The following QSOX2 variants were observed in gnomAD, a reference collection of about 807,000 sequenced individuals.
QSOX2 encodes sulfhydryl oxidase 2.
Under a neutral mutation model 61.7 loss-of-function variants are expected in QSOX2, and 46 were observed. The observed-to-expected ratio is 0.75, with a 90% CI of 0.59 to 0.95. The LOEUF (loss-of-function observed/expected upper bound fraction) is 0.95, where lower values mean the gene tolerates loss of function less well. Ranked by LOEUF, QSOX2 falls within the 40% of genes least tolerant of loss-of-function variation. QSOX2 has a pLI of 0.00. For synonymous variants in QSOX2, 383 were observed against 388.4 expected, an observed-to-expected ratio of 0.99 and a Z score of 0.16; for missense variants, 879 against 918.9, an observed-to-expected ratio of 0.96 and a Z score of 0.56.
intron 1 of QSOX2, among the ~76,000 whole-genome samples, chr9:136,241,802 G>A (rs1222139610): frequency 6.6e-6 from 1 of 152,242 alleles, no homozygotes; most frequent in Non-Finnish European, 1.5e-5. Context: ...AGGTCTAGGA[G>A]GACTCAGCCT....
chr9:136,224,246 A>G lies in QSOX2; in HGVS notation c.479-134T>C, dbSNP rs574088869. 5 of 662,036 alleles carry G rather than the reference A, an allele frequency of 7.6e-6. No homozygotes were observed. The South Asian group carries it at 8.9e-5, about 12-fold the overall frequency. 41.0% of individuals were successfully genotyped at this position (662,036 alleles called of 1,614,324 possible). A position where few individuals can be genotyped will look rare whatever the true frequency, so the allele number is the denominator to read the frequency against. ...GGTGCAGGTGGCAGCAACATGTGCAATCCCAATGGGTGTGCCCAATGCCAC... is the reference window on the plus strand; with the variant it reads ...GGTGCAGGTGGCAGCAACATGTGCAGTCCCAATGGGTGTGCCCAATGCCAC... On this transcript the variant is annotated intron_variant, in intron 3 of 11. Coordinates refer to ENST00000358701, the MANE Select transcript of QSOX2 (RefSeq NM_181701.4).
chr9:136,231,629 C>A lies in QSOX2; in HGVS notation c.329-4755G>T, dbSNP rs375781494. 9.4e-4 allele frequency among the ~76,000 whole-genome samples: 143 copies of A among 152,374 alleles called. 2 individuals are homozygous for A. The East Asian group carries it at 0.014, about 15-fold the overall frequency. On this transcript the variant is annotated intron_variant, in intron 1 of 11. Transcript: ENST00000358701. ...GCTCAGGGGCTTGTGCGAAATGACG[C>A]GGCAGAAGGGCAGTGCCCCTCACAG...
chr9:136,211,501 C>T, intron 10 of QSOX2, 49 bp from the exon 11 acceptor site: 1 of 1,582,658 alleles, frequency 6.3e-7, no homozygotes, highest in Non-Finnish European at 8.7e-7. Flanking sequence ...TGGGCATCAC[C>T]TGACCCCACG....
rs1407915721 is a variant in QSOX2 at position 136,209,171 on chromosome 9, C to T, written c.1654G>A (p.Gly552Ser). The change falls in exon 12 of 12, where the codon GGC becomes AGC. Residue 552 changes from glycine (G) to serine (S), a missense_variant. Physicochemically the swap from Gly to Ser is moderately conservative, Grantham distance 56. Transcript: ENST00000358701. The surrounding 1 kb of genome is among the most constrained non-coding windows in gnomAD (Gnocchi z 5.6). ...TGCTTCAAGAATGTGAGCACGTGGC[C>T]TTCATCCCAGCTGGCCAGGCCCTTA... ...EIKGLASWDEGHVLTFLKQHY... is the reference protein window; with the variant it reads ...EIKGLASWDESHVLTFLKQHY... 3.1e-6 allele frequency: 5 copies of T among 1,614,194 alleles called. No individual in the cohort carries two copies. The highest frequency in any genetic ancestry group is 4.2e-6 in the Non-Finnish European group (5 of 1,180,032).
intron 1 of QSOX2, among the ~76,000 whole-genome samples, chr9:136,233,739 G>A (rs1005720488): frequency 3.3e-5 from 5 of 152,166 alleles, no homozygotes; most frequent in African/African-American, 9.7e-5. Context: ...AGAAGACGAC[G>A]CTGTGGAGCC....
rs534955428 is a variant in QSOX2, at chr9:136,215,341, A to G, written c.1210-37T>C. The G allele has an allele frequency of 2.5e-5, 36 of 1,467,714 alleles. No homozygotes were observed. In the Admixed American group the frequency reaches 3.0e-4, roughly 12 times the overall value. 90.9% of individuals were successfully genotyped at this position (1,467,714 alleles called of 1,614,324 possible). A position where few individuals can be genotyped will look rare whatever the true frequency, so the allele number is the denominator to read the frequency against. On this transcript the variant is annotated intron_variant, in intron 9 of 11. Coordinates refer to ENST00000358701, the MANE Select transcript of QSOX2 (RefSeq NM_181701.4). ...ACAAACAAAAAAACCCCAAAGAATA[A>G]AAGATAATTGTTGAAATTAAAAACA...
chr9:136,224,581 G>T (rs543374102), intron 3 of QSOX2, among the ~76,000 whole-genome samples: 3 of 152,050 alleles, frequency 2.0e-5, no homozygotes, highest in Non-Finnish European at 4.4e-5. Context: ...TCATCGGGTG[G>T]GTACATGTGA....
chr9:136,225,383 G>A (rs895629804), intron 2 of QSOX2, among the ~76,000 whole-genome samples: 4 of 152,198 alleles, frequency 2.6e-5, no homozygotes, highest in Non-Finnish European at 4.4e-5. Flanking sequence ...AGACAGCGAC[G>A]AGACAAGGTT....
chr9:136,209,635 G>A lies in QSOX2; in HGVS notation c.1550-360C>T, dbSNP rs957298227. The A allele has an allele frequency of 1.1e-4, 111 of 984,960 alleles. No individual in the cohort carries two copies. The highest frequency in any genetic ancestry group is 1.7e-4 in the African/African-American group (10 of 57,326). The allele number at this position is 984,960 out of a possible 1,614,324, so 61.0% of individuals were successfully genotyped here. ...AGCTCTCACCTGGAGGCCTTTCTCC[G>A]CACAGTGCTGCCTGTGTGCCCCTCC... On this transcript the variant is annotated intron_variant, in intron 11 of 11. Transcript: ENST00000358701. This position sits in a 1 kb window ranked among gnomAD's most constrained non-coding sequence, Gnocchi z 5.6.
At chr9:136,237,950 A>G (rs186103028) in intron 1 of QSOX2, among the ~76,000 whole-genome samples, 4 of 152,346 alleles carry the variant, frequency 2.6e-5, no homozygotes, top group Non-Finnish European at 4.4e-5. Flanking sequence ...GCCCCCAGGG[A>G]CAGTGCACAA....
intron 1 of QSOX2, among the ~76,000 whole-genome samples, chr9:136,236,202 C>A (rs919677544): frequency 1.3e-5 from 2 of 152,232 alleles, no homozygotes; most frequent in Non-Finnish European, 2.9e-5. Flanking sequence ...CCCTGCTCCG[C>A]ACAGAGAGCC....
chr9:136,243,570 T>A (rs997475988), intron 1 of QSOX2, among the ~76,000 whole-genome samples: 2 of 152,270 alleles, frequency 1.3e-5, no homozygotes, highest in African/African-American at 2.4e-5. Flanking sequence ...CTATAACTTC[T>A]GTCTCCCTAA....
At chr9:136,243,946 C>T (rs1830451387) in intron 1 of QSOX2, among the ~76,000 whole-genome samples, 2 of 152,150 alleles carry the variant, frequency 1.3e-5, no homozygotes, top group Admixed American at 6.5e-5. Context: ...TCAGGAGGGG[C>T]CTTCCTTCTG....
chr9:136,225,791 A>G (rs1439364054), intron 2 of QSOX2, among the ~76,000 whole-genome samples: 1 of 152,258 alleles, frequency 6.6e-6, no homozygotes, highest in African/African-American at 2.4e-5. Flanking sequence ...AATCCCATCC[A>G]ATGAGCATCG....
rs1186354665 is a variant in QSOX2, at chr9:136,209,437, C to T, written c.1550-162G>A. On this transcript the variant is annotated intron_variant, in intron 11 of 11. Coordinates refer to ENST00000358701, the MANE Select transcript of QSOX2 (RefSeq NM_181701.4). The surrounding 1 kb of genome is among the most constrained non-coding windows in gnomAD (Gnocchi z 5.6). Reference sequence around the variant, plus strand: ...TCCCTGCCCTTCCCACCACCCGTCCCTTGCAGTTCGGCCCAGATAACATCC... The same window carrying T: ...TCCCTGCCCTTCCCACCACCCGTCCTTTGCAGTTCGGCCCAGATAACATCC... 2 of 985,336 alleles carry T rather than the reference C, an allele frequency of 2.0e-6. No homozygotes were observed. The highest frequency in any genetic ancestry group is 1.2e-6 in the Non-Finnish European group (1 of 829,946). The allele number at this position is 985,336 out of a possible 1,614,324, so 61.0% of individuals were successfully genotyped here.
At chr9:136,220,078 C>T (rs564890075) in intron 6 of QSOX2, among the ~76,000 whole-genome samples, 6 of 152,352 alleles carry the variant, frequency 3.9e-5, no homozygotes, top group Admixed American at 1.3e-4. Context: ...GTTGCCCAGG[C>T]TGGAGTGCAG....
In QSOX2 at chr9:136,224,900, C is replaced by A. The variant is rs766432618; in HGVS notation, c.439G>T (p.Ala147Ser). ...CCAGTTGTAAACTCCTTTGTAAATG[C>A]TTTAAAATACTAAGAGGAAAAACAC... is the stretch of plus-strand genomic sequence containing the variant. The part of the protein sequence containing the change: ...HFYPTFRYFK[A>S]FTKEFTTGEN... Residue 147 changes from alanine to serine, a missense_variant, in exon 3 of 12, where the codon GCA becomes TCA. Physicochemically the swap from Ala to Ser is moderately conservative, Grantham distance 99. Coordinates refer to ENST00000358701, the MANE Select transcript of QSOX2 (RefSeq NM_181701.4). 1 of 1,604,490 alleles carries A rather than the reference C, an allele frequency of 6.2e-7. No individual in the cohort carries two copies. The highest frequency in any genetic ancestry group is 1.3e-5 in the African/African-American group (1 of 74,506).
In QSOX2 at chr9:136,224,879, T is replaced by C; in HGVS notation, c.460A>G (p.Thr154Ala). The C allele has an allele frequency of 6.2e-7, 1 of 1,604,238 alleles. No homozygotes were observed. Among genetic ancestry groups the C allele is most frequent in the Non-Finnish European group, 8.5e-7 (1 of 1,173,978 alleles). ...TCCTTACCTTTAAAATTTTCTCCAG[T>C]TGTAAACTCCTTTGTAAATGCTTTA... ...YFKAFTKEFT[T>A]GENFKGPDRE... Residue 154 changes from threonine (T) to alanine (A), a missense_variant, in exon 3 of 12, where the codon ACT (threonine) becomes GCT (alanine). Coordinates refer to ENST00000358701, the MANE Select transcript of QSOX2 (RefSeq NM_181701.4).
intron 6 of QSOX2, 107 bp from the exon 7 acceptor site, chr9:136,219,271 G>T: frequency 7.4e-7 from 1 of 1,354,440 alleles, no homozygotes; most frequent in Non-Finnish European, 9.8e-7. Flanking sequence ...CATCCTTTGG[G>T]CATTTATTGG....
Sources: gnomAD v4.1 joint callset for allele counts (sites outside exome capture counted in the v4.1 genomes callset) on GRCh38, gnomAD v4.1.1 for gene constraint, Gnocchi (gnomAD v3.1) non-coding constraint, MANE v1.5 for transcripts, NCBI Gene and HGNC (gene_info 2026-07-23, HGNC 2026-07-21) for gene names.